The following DNAJC3 variants were observed in gnomAD, a reference collection of about 807,000 sequenced individuals.
The protein encoded by DNAJC3 is DnaJ heat shock protein family (Hsp40) member C3.
Under a neutral mutation model 68.6 loss-of-function variants are expected in DNAJC3, and 38 were observed. That is an observed-to-expected ratio of 0.55 (90% confidence interval 0.43 to 0.73). The LOEUF (loss-of-function observed/expected upper bound fraction) is 0.73, where lower values mean the gene tolerates loss of function less well. DNAJC3 is among the 30% of genes least tolerant of loss of function. DNAJC3 has a pLI of 0.00. For missense variants in DNAJC3, 526 were observed against 591.9 expected (o/e 0.89, Z 1.16); for synonymous variants, 203 against 204.0 (o/e 1.00, Z 0.04).
intron 9 of DNAJC3, among the ~76,000 whole-genome samples, chr13:95,782,840 T>C (rs1043663731): frequency 2.0e-5 from 3 of 152,252 alleles, no homozygotes; most frequent in African/African-American, 4.8e-5. Flanking sequence ...CATTTGTCAA[T>C]TTTGGCGTTT....
At chr13:95,739,451 T>C (rs1882049820) in intron 4 of DNAJC3, among the ~76,000 whole-genome samples, 1 of 151,524 alleles carries the variant, frequency 6.6e-6, no homozygotes, top group South Asian at 2.1e-4. Context: ...CCCATCACTT[T>C]CAGGTACACC....
In DNAJC3 at chr13:95,709,930, C is replaced by T. The variant is rs572521840; in HGVS notation, c.193+593C>T. Reference sequence around the variant, plus strand: ...CTGGGATTACAGGCGTGAGCCACTGCGCCCGGCCAGCTTCTGACTTTTTGA... The same window carrying T: ...CTGGGATTACAGGCGTGAGCCACTGTGCCCGGCCAGCTTCTGACTTTTTGA... On this transcript the variant is annotated intron_variant, in intron 2 of 11. Coordinates refer to ENST00000602402, the MANE Select transcript of DNAJC3 (RefSeq NM_006260.5). 1.5e-4 allele frequency among the ~76,000 whole-genome samples: 23 copies of T among 152,292 alleles called. 1 individual carries two copies. The South Asian group carries it at 4.8e-3, about 32-fold the overall frequency.
At chr13:95,718,065 C>T (rs1272798164) in intron 2 of DNAJC3, among the ~76,000 whole-genome samples, 1 of 152,108 alleles carries the variant, frequency 6.6e-6, no homozygotes, top group African/African-American at 2.4e-5. Context: ...AGGTTAAATC[C>T]ATCTCCCATG....
intron 4 of DNAJC3, among the ~76,000 whole-genome samples, chr13:95,725,546 C>G (rs921863743): frequency 4.6e-5 from 7 of 152,172 alleles, no homozygotes; most frequent in Non-Finnish European, 1.0e-4. Flanking sequence ...CCATGAGAAT[C>G]TAAAGATGTC....
intron 4 of DNAJC3, chr13:95,742,822 T>C (rs1882189412): frequency 1.9e-6 from 1 of 519,076 alleles, no homozygotes; most frequent in Admixed American, 1.9e-5. Context: ...TTCTGTGGAC[T>C]GTGCGTTTGG....
chr13:95,683,807 G>A (rs1053470141), intron 1 of DNAJC3, among the ~76,000 whole-genome samples: 3 of 151,450 alleles, frequency 2.0e-5, no homozygotes, highest in East Asian at 1.9e-4. Context: ...GGAGGTGGGC[G>A]CCTGAAATCC....
At chr13:95,717,584 G>A (rs111878523) in intron 2 of DNAJC3, among the ~76,000 whole-genome samples, 350 of 152,250 alleles carry the variant, frequency 2.3e-3, no homozygotes, top group Non-Finnish European at 4.0e-3. Context: ...CCCAAATCTC[G>A]AATTGTAGCT....
chr13:95,761,232 A>T (rs1882810823), intron 7 of DNAJC3, among the ~76,000 whole-genome samples: 1 of 152,336 alleles, frequency 6.6e-6, no homozygotes, highest in East Asian at 1.9e-4. Context: ...ACTCCAAACC[A>T]GGATGGTAAA....
Position 95,787,000 on chromosome 13 carries a change from C to A in DNAJC3, c.1209-7C>A, listed in dbSNP as rs202072148. The A allele has an allele frequency of 4.5e-4, 725 of 1,599,776 alleles. No individual in the cohort carries two copies. The highest frequency in any genetic ancestry group is 4.2e-4 in the Non-Finnish European group (496 of 1,175,922). On this transcript the variant is annotated splice_polypyrimidine_tract_variant and splice_region_variant and intron_variant, in intron 10 of 11. Coordinates refer to ENST00000602402, the MANE Select transcript of DNAJC3 (RefSeq NM_006260.5). ...CACTAATGATTATTTATTTTACCAC[C>A]CCTCAGAAATGCCAAAAAGCAAGAA...
At chr13:95,717,804 G>T (rs1332727861) in intron 2 of DNAJC3, among the ~76,000 whole-genome samples, 2 of 152,198 alleles carry the variant, frequency 1.3e-5, no homozygotes. Flanking sequence ...CCCCAGCCAT[G>T]TGGAACTGTC....
Position 95,773,154 on chromosome 13 carries a change from T to G in DNAJC3, c.1075+9201T>G, listed in dbSNP as rs533137709. On this transcript the variant is annotated intron_variant, in intron 9 of 11. Coordinates refer to ENST00000602402, the MANE Select transcript of DNAJC3 (RefSeq NM_006260.5). ...TAGGATGGTTTTTGACAAATTTAGT[T>G]TTTTTTTTTTTTTTCATTTTGTTTT... Among the ~76,000 whole-genome samples the G allele has an allele frequency of 2.8e-3, 404 of 144,466 alleles. 3 individuals carry two copies. The highest frequency in any genetic ancestry group is 0.011 in the African/African-American group (389 of 36,550). 94.8% of individuals were successfully genotyped at this position (144,466 alleles called of 152,430 possible). A position where few individuals can be genotyped will look rare whatever the true frequency, so the allele number is the denominator to read the frequency against.
chr13:95,716,452 G>C (rs1881149306), intron 2 of DNAJC3, among the ~76,000 whole-genome samples: 3 of 152,222 alleles, frequency 2.0e-5, no homozygotes, highest in Admixed American at 2.0e-4. Flanking sequence ...GTGTTAGTCA[G>C]CTCAGTAGAC....
intron 2 of DNAJC3, among the ~76,000 whole-genome samples, chr13:95,722,987 TAAGAAATGTAAAAA>T (rs1433262158): frequency 3.3e-5 from 5 of 152,116 alleles, no homozygotes; most frequent in Non-Finnish European, 5.9e-5. Context: ...GGGCAACTTT[TAAGAAATGTAAAAA>T]ACATTCTTAA....
At chr13:95,735,984 G>C (rs941626450) in intron 4 of DNAJC3, among the ~76,000 whole-genome samples, 2 of 152,202 alleles carry the variant, frequency 1.3e-5, no homozygotes, top group East Asian at 1.9e-4. Context: ...AATCCATCTT[G>C]AATTGATTTT....
chr13:95,681,432 G>A (rs1879907203), intron 1 of DNAJC3, among the ~76,000 whole-genome samples: 1 of 152,078 alleles, frequency 6.6e-6, no homozygotes, highest in South Asian at 2.1e-4. Flanking sequence ...CTCAATGTAG[G>A]CTTGACCTCC....
At chr13:95,783,880 G>A (rs1347360953) in intron 9 of DNAJC3, among the ~76,000 whole-genome samples, 1 of 152,158 alleles carries the variant, frequency 6.6e-6, no homozygotes, top group South Asian at 2.1e-4. Context: ...CTCTCTACAA[G>A]GCCAGAGTCC....
Position 95,760,158 on chromosome 13 carries a change from C to T in DNAJC3, c.665C>T (p.Thr222Ile). 1.2e-6 allele frequency: 2 copies of T among 1,612,300 alleles called. No individual in the cohort carries two copies. The highest frequency in any genetic ancestry group is 1.7e-6 in the Non-Finnish European group (2 of 1,178,984). Residue 222 changes from threonine to isoleucine, a missense_variant, in exon 6 of 12, where the codon ACT (threonine) becomes ATT (isoleucine). Thr to Ile is a moderately conservative substitution (Grantham distance 89). Coordinates refer to ENST00000602402, the MANE Select transcript of DNAJC3 (RefSeq NM_006260.5). The stretch of plus-strand genomic sequence containing the variant: ...GCGTCAAAGTTGAAGAATGATAATA[C>T]TGAAGCGTTTTATAAAATAAGCACA... Reference protein sequence around the residue: ...KAASKLKNDNTEAFYKISTLY... With the variant: ...KAASKLKNDNIEAFYKISTLY...
intron 1 of DNAJC3, among the ~76,000 whole-genome samples, chr13:95,697,494 A>G (rs1293220035): frequency 6.6e-6 from 1 of 152,110 alleles, no homozygotes; most frequent in Non-Finnish European, 1.5e-5. Context: ...TTCCTTGGTT[A>G]TGTTCGTCTT....
intron 9 of DNAJC3, among the ~76,000 whole-genome samples, chr13:95,784,987 A>ATGTAATGT (rs1439789699): frequency 1.3e-5 from 2 of 152,118 alleles, no homozygotes; most frequent in African/African-American, 4.8e-5. Flanking sequence ...AAAATAAAAG[A>ATGTAATGT]TGTAATGTGG....
Sources: gnomAD v4.1 joint callset for allele counts (sites outside exome capture counted in the v4.1 genomes callset) on GRCh38, gnomAD v4.1.1 for gene constraint, MANE v1.5 for transcripts, NCBI Gene and HGNC (gene_info 2026-07-23, HGNC 2026-07-21) for gene names.